Variants in INTS9 observed in about 807,000 individuals in gnomAD.
INTS9 encodes integrator complex subunit 9.
A neutral mutation model predicts 79.7 loss-of-function variants in INTS9; 55 were observed. That is an observed-to-expected ratio of 0.69 (90% CI 0.56 to 0.86). INTS9 has a LOEUF of 0.86. Ranked by LOEUF, INTS9 falls within the 40% of genes least tolerant of loss-of-function variation. The pLI is 0.00. For synonymous variants in INTS9, 319 were observed against 325.2 expected (o/e 0.98, Z 0.20); for missense variants, 721 against 831.5 (o/e 0.87, Z 1.64).
At chr8:28,823,283 C>A (rs1026530497) in intron 6 of INTS9, among the ~76,000 whole-genome samples, 1 of 152,192 alleles carries the variant, frequency 6.6e-6, no homozygotes, top group African/African-American at 2.4e-5. Context: ...AAGGAGATGA[C>A]ATCCCCATAT....
intron 1 of INTS9, among the ~76,000 whole-genome samples, chr8:28,878,316 CTG>C (rs1167529627): frequency 1.3e-5 from 2 of 151,840 alleles, no homozygotes; most frequent in African/African-American, 4.8e-5. Flanking sequence ...AATCATTTAA[CTG>C]TTTTTGTTTT....
At chr8:28,865,255 AT>A (rs202018633) in intron 1 of INTS9, among the ~76,000 whole-genome samples, 124 of 152,016 alleles carry the variant, frequency 8.2e-4, no homozygotes, top group Admixed American at 1.4e-3. Context: ...ATAAAATTTT[AT>A]TTTAAAAAAA....
In INTS9 at chr8:28,775,166, C is replaced by T. The variant is rs141943995; in HGVS notation, c.1563+593G>A. 1.4e-3 allele frequency among the ~76,000 whole-genome samples: 220 copies of T among 152,260 alleles called. 1 individual carries two copies. Among genetic ancestry groups the T allele is most frequent in the African/African-American group, 5.0e-3 (208 of 41,540 alleles). On this transcript the variant is annotated intron_variant, in intron 14 of 16. Transcript: ENST00000521022. ...CATCCTATGGTATTTAGGGACAGAGCGGGTGTCAGCATCTCCACTTCCCAG... is the reference window on the plus strand; with the variant it reads ...CATCCTATGGTATTTAGGGACAGAGTGGGTGTCAGCATCTCCACTTCCCAG...
intron 1 of INTS9, among the ~76,000 whole-genome samples, chr8:28,870,282 C>A (rs1809008442): frequency 7.3e-6 from 1 of 136,298 alleles, no homozygotes; most frequent in African/African-American, 2.7e-5. Flanking sequence ...TTAGATACTT[C>A]TGTATCCTTG....
intron 1 of INTS9, among the ~76,000 whole-genome samples, chr8:28,865,579 C>T (rs1490674553): frequency 6.6e-6 from 1 of 151,714 alleles, no homozygotes; most frequent in African/African-American, 2.4e-5. Flanking sequence ...ATAACTGTGA[C>T]ACTTATGTAC....
intron 6 of INTS9, among the ~76,000 whole-genome samples, chr8:28,821,347 C>T (rs1484705232): frequency 2.6e-5 from 4 of 152,152 alleles, no homozygotes; most frequent in Middle Eastern, 3.2e-3. Flanking sequence ...GAAGCAAAAG[C>T]GGAAGCCCCG....
intron 6 of INTS9, among the ~76,000 whole-genome samples, chr8:28,832,438 G>A (rs1474144277): frequency 6.6e-6 from 1 of 152,218 alleles, no homozygotes; most frequent in Non-Finnish European, 1.5e-5. Context: ...GAGAAAGTGT[G>A]CACAGATAAG....
chr8:28,843,407 T>C (rs1299603807), intron 4 of INTS9, among the ~76,000 whole-genome samples: 1 of 152,264 alleles, frequency 6.6e-6, no homozygotes, highest in Non-Finnish European at 1.5e-5. Context: ...TTCAGGCAGA[T>C]AGTCTTTCTC....
intron 8 of INTS9, among the ~76,000 whole-genome samples, chr8:28,803,419 C>T (rs1390967148): frequency 6.6e-6 from 1 of 152,302 alleles, no homozygotes; most frequent in African/African-American, 2.4e-5. Flanking sequence ...ATTGCCAATA[C>T]GTTTATGGGA....
At chr8:28,859,328 C>A in intron 2 of INTS9, 108 bp downstream of exon 2, 1 of 1,269,534 alleles carries the variant, frequency 7.9e-7, no homozygotes, top group South Asian at 1.5e-5. Flanking sequence ...TTTAAGGAAA[C>A]AAAGCAAACT....
intron 1 of INTS9, among the ~76,000 whole-genome samples, chr8:28,884,628 G>A (rs570701027): frequency 2.6e-5 from 4 of 152,082 alleles, no homozygotes; most frequent in Admixed American, 6.6e-5. Flanking sequence ...TATGTCACAC[G>A]CAGCTTTTCA....
Position 28,840,731 on chromosome 8 carries a change from G to T in INTS9, c.262-2955C>A, listed in dbSNP as rs1807128937. ...ACCGCATATTCTCACTCATAGGTGG[G>T]AACTGAACAATGAGAACACATGGAC... On this transcript the variant is annotated intron_variant, in intron 4 of 16. Coordinates refer to ENST00000521022, the MANE Select transcript of INTS9 (RefSeq NM_018250.4). Among the ~76,000 whole-genome samples the T allele has an allele frequency of 2.8e-5, 4 of 141,304 alleles. No individual in the cohort carries two copies. In the South Asian group the frequency reaches 9.2e-4, roughly 33 times the overall value. The allele number at this position is 141,304 out of a possible 152,430, so 92.7% of individuals were successfully genotyped here.
At chr8:28,782,846 T>A (rs1156738597) in intron 11 of INTS9, among the ~76,000 whole-genome samples, 1 of 151,942 alleles carries the variant, frequency 6.6e-6, no homozygotes, top group Non-Finnish European at 1.5e-5. Context: ...CTGGCATGGG[T>A]AACTGAGACC....
At position 28,810,331 on chromosome 8, in the gene INTS9, A is replaced by T. The variant is rs190917413; in HGVS notation, c.744+1996T>A. The T allele has an allele frequency of 6.5e-3, 878 of 135,246 alleles. 5 individuals carry two copies. The highest frequency in any genetic ancestry group is 0.024 in the African/African-American group (846 of 34,960). 8.4% of individuals were successfully genotyped at this position (135,246 alleles called of 1,614,324 possible). The stretch of plus-strand genomic sequence containing the variant: ...GCTTAAGTGTTGGGCCCAACTGCAG[A>T]TCTAGGAGAATGCTGGCTACTAGAG... On this transcript the variant is annotated intron_variant, in intron 8 of 16. Coordinates refer to ENST00000521022, the MANE Select transcript of INTS9 (RefSeq NM_018250.4).
At chr8:28,872,039 T>C (rs1429758617) in intron 1 of INTS9, among the ~76,000 whole-genome samples, 1 of 152,172 alleles carries the variant, frequency 6.6e-6, no homozygotes, top group Non-Finnish European at 1.5e-5. Context: ...TTTAAAACTA[T>C]ACTGACATAA....
At chr8:28,813,669 A>G in intron 6 of INTS9, 57 bp from the exon 7 acceptor site, 2 of 1,585,944 alleles carry the variant, frequency 1.3e-6, no homozygotes, top group Non-Finnish European at 1.7e-6. Context: ...GTTCTACAGC[A>G]TTCCTTTCTA....
In INTS9 at chr8:28,887,236, G is replaced by C. The variant is rs551836848; in HGVS notation, c.9+2638C>G. Among the ~76,000 whole-genome samples, 6 of 152,308 alleles carry C rather than the reference G, an allele frequency of 3.9e-5. No homozygotes were observed. The East Asian group carries it at 1.2e-3, about 29-fold the overall frequency. On this transcript the variant is annotated intron_variant, in intron 1 of 16. Transcript: ENST00000521022. ...AACATATTCAACCAAGTTAAGTGTA[G>C]GAGGTTATCCTAAGGGCAAAGGAAG... is the stretch of plus-strand genomic sequence containing the variant.
chr8:28,780,709 T>A (rs890863102), intron 12 of INTS9, 114 bp downstream of exon 12: 2 of 1,509,256 alleles, frequency 1.3e-6, no homozygotes, highest in Middle Eastern at 2.5e-4. Context: ...AGTAGAACAA[T>A]GTTTGTATTT....
intron 9 of INTS9, among the ~76,000 whole-genome samples, chr8:28,795,804 T>C (rs1804185051): frequency 1.3e-5 from 2 of 152,212 alleles, no homozygotes; most frequent in South Asian, 2.1e-4. Flanking sequence ...GAGAAGTTAA[T>C]GTCTGCAGTA....
Sources: gnomAD v4.1 joint callset for allele counts (sites outside exome capture counted in the v4.1 genomes callset) on GRCh38, gnomAD v4.1.1 for gene constraint, MANE v1.5 for transcripts, NCBI Gene and HGNC (gene_info 2026-07-23, HGNC 2026-07-21) for gene names.